LAMB4: variants seen among roughly 807,000 people sequenced by gnomAD.
The protein encoded by LAMB4 is laminin subunit beta 4.
Under a neutral mutation model 199.2 loss-of-function variants are expected in LAMB4, and 196 were observed. The ratio of observed to expected loss-of-function variants is 0.98; its 90% confidence interval spans 0.88 to 1.11. The LOEUF is 1.11. Among genes scored for constraint, LAMB4 ranks in the 50% least tolerant of loss-of-function variants. LAMB4 has a pLI of 0.00. For synonymous variants in LAMB4, 744 were observed against 770.6 expected, an observed-to-expected ratio of 0.97 and a Z score of 0.57; for missense variants, 2,080 against 2,171.2, an observed-to-expected ratio of 0.96 and a Z score of 0.83.
At chr7:108,027,387 T>C (rs1171379901) in intron 33 of LAMB4, among the ~76,000 whole-genome samples, 3 of 152,216 alleles carry the variant, frequency 2.0e-5, no homozygotes, top group Non-Finnish European at 4.4e-5. Flanking sequence ...AAGCAGTGGT[T>C]TCTTCTTCAC....
intron 11 of LAMB4, among the ~76,000 whole-genome samples, chr7:108,097,276 T>A (rs1442870579): frequency 6.6e-6 from 1 of 152,238 alleles, no homozygotes; most frequent in East Asian, 1.9e-4. Flanking sequence ...CCAGGGTTTC[T>A]GAGGAATCTG....
chr7:108,098,430 T>A lies in LAMB4; in HGVS notation c.1333A>T (p.Ser445Cys), dbSNP rs745459146. ...DQCKPNHYGL[S>C]ATDPLGCQPC... ...TGGCAGCCCAGGGGGTCGGTGGCGC[T>A]TAGTCCGTAGTGGTTGGGTTTGCAC... The change falls in exon 11 of 34, where the codon AGC becomes TGC. Residue 445 changes from serine (S) to cysteine (C), a missense_variant. Physicochemically the swap from Ser to Cys is moderately radical, Grantham distance 112. Transcript: ENST00000388781. 3.9e-6 allele frequency: 6 copies of A among 1,530,882 alleles called. No homozygotes were observed. Among genetic ancestry groups the A allele is most frequent in the Non-Finnish European group, 5.3e-6 (6 of 1,138,728 alleles). The allele number at this position is 1,530,882 out of a possible 1,614,324, so 94.8% of individuals were successfully genotyped here.
chr7:108,104,756 C>T, intron 8 of LAMB4, 137 bp from the exon 9 acceptor site: 4 of 892,122 alleles, frequency 4.5e-6, no homozygotes, highest in Non-Finnish European at 6.5e-6. Context: ...ACAATACCAA[C>T]CTTGATTATC....
chr7:108,089,111 T>A (rs887074586), intron 14 of LAMB4, among the ~76,000 whole-genome samples: 5 of 152,146 alleles, frequency 3.3e-5, no homozygotes, highest in Non-Finnish European at 7.4e-5. Flanking sequence ...CACTTTTTTT[T>A]ATAGCAGTAC....
At chr7:108,063,221 A>G (rs1390523222) in intron 22 of LAMB4, among the ~76,000 whole-genome samples, 1 of 152,150 alleles carries the variant, frequency 6.6e-6, no homozygotes, top group African/African-American at 2.4e-5. Flanking sequence ...TTGCTCCAAG[A>G]GCTCACAGTT....
chr7:108,092,289 C>A, intron 13 of LAMB4, 48 bp downstream of exon 13: 1 of 1,445,996 alleles, frequency 6.9e-7, no homozygotes, highest in East Asian at 2.3e-5. Context: ...ATAAAATGTG[C>A]TTTTATGTTT....
chr7:108,044,282 T>A (rs2035540322), intron 28 of LAMB4: 1 of 156,926 alleles, frequency 6.4e-6, no homozygotes. Flanking sequence ...GAGAGCATTT[T>A]CTTTTATGTA....
intron 1 of LAMB4, among the ~76,000 whole-genome samples, chr7:108,126,161 G>T (rs1170542423): frequency 1.3e-5 from 2 of 152,180 alleles, no homozygotes; most frequent in Admixed American, 6.5e-5. Flanking sequence ...ATGCAACTGA[G>T]AATCACTTGA....
intron 11 of LAMB4, among the ~76,000 whole-genome samples, chr7:108,096,767 CAAAAAAAA>C (rs1207456579): frequency 1.5e-5 from 1 of 67,542 alleles, no homozygotes; most frequent in East Asian, 3.7e-4. Flanking sequence ...CTCCGTCTCT[CAAAAAAAA>C]AAAAAAAAAA....
chr7:108,127,189 GT>G (rs758228106), intron 1 of LAMB4, among the ~76,000 whole-genome samples: 1,179 of 69,060 alleles, frequency 0.017, 7 homozygotes, highest in Middle Eastern at 0.042. Flanking sequence ...TTTTTTTTGT[GT>G]TTTTTTTTTT....
At chr7:108,114,468 C>T (rs1024447613) in intron 3 of LAMB4, among the ~76,000 whole-genome samples, 2 of 152,106 alleles carry the variant, frequency 1.3e-5, no homozygotes, top group East Asian at 3.9e-4. Flanking sequence ...AATTCTTTGT[C>T]CAGAGCACCT....
chr7:108,100,947 C>T (rs368232552), intron 10 of LAMB4, among the ~76,000 whole-genome samples: 1 of 152,068 alleles, frequency 6.6e-6, no homozygotes, highest in African/African-American at 2.4e-5. Context: ...CTGAGTAATC[C>T]GAGCTAAAAC....
chr7:108,012,386 T>C, the LAMB4 span, among the ~76,000 whole-genome samples: 5 of 152,186 alleles, frequency 3.3e-5, no homozygotes, highest in African/African-American at 9.7e-5. Context: ...CTTACCTGTA[T>C]TTTTTTAAAC....
At chr7:108,123,818 T>C (rs2038683705) in intron 1 of LAMB4, among the ~76,000 whole-genome samples, 2 of 152,248 alleles carry the variant, frequency 1.3e-5, no homozygotes, top group Non-Finnish European at 2.9e-5. Context: ...ATTAGTGATA[T>C]TTTATCAAGA....
chr7:108,043,425 T>C (rs1208960835), intron 29 of LAMB4, among the ~76,000 whole-genome samples: 1 of 152,134 alleles, frequency 6.6e-6, no homozygotes, highest in Non-Finnish European at 1.5e-5. Context: ...CTGTAATTTT[T>C]TGGCACAGAG....
At chr7:108,107,861 G>T in intron 5 of LAMB4, 42 bp from the exon 6 acceptor site, 3 of 1,323,914 alleles carry the variant, frequency 2.3e-6, no homozygotes, top group South Asian at 1.4e-5. Context: ...CACAAAGGCA[G>T]ATTTTATTAT....
intron 23 of LAMB4, chr7:108,062,424 T>G (rs2036195089): frequency 6.2e-6 from 1 of 160,692 alleles, no homozygotes; most frequent in Non-Finnish European, 1.4e-5. Flanking sequence ...TTTATTTTCA[T>G]TCTGATTCAT....
At chr7:108,121,309 A>G (rs930710428) in intron 2 of LAMB4, among the ~76,000 whole-genome samples, 1 of 152,212 alleles carries the variant, frequency 6.6e-6, no homozygotes, top group African/African-American at 2.4e-5. Context: ...TACTGTTACT[A>G]TATAATTTCT....
In LAMB4 at chr7:108,104,560, C is replaced by T. The variant is rs2037932169; in HGVS notation, c.930G>A (p.Lys310=). The T allele has an allele frequency of 1.2e-6, 2 of 1,614,100 alleles. No homozygotes were observed. Among genetic ancestry groups the T allele is most frequent in the South Asian group, 1.1e-5 (1 of 91,092 alleles). ...NTDGPNCERC[K]DFFQDAPWRP... ...TCCAAGGAGCATCCTGGAAGAAGTCCTTGCATCTCTCACAGTTCGGACCAT... is the reference window on the plus strand; with the variant it reads ...TCCAAGGAGCATCCTGGAAGAAGTCTTTGCATCTCTCACAGTTCGGACCAT... The change falls in exon 9 of 34, where the codon AAG becomes AAA. Residue 310 remains lysine (K), a synonymous_variant. Transcript: ENST00000388781.
Sources: gnomAD v4.1 joint callset for allele counts (sites outside exome capture counted in the v4.1 genomes callset) on GRCh38, gnomAD v4.1.1 for gene constraint, MANE v1.5 for transcripts, NCBI Gene and HGNC (gene_info 2026-07-23, HGNC 2026-07-21) for gene names.